CRAMP1: variants seen among roughly 807,000 people sequenced by gnomAD.
The protein encoded by CRAMP1 is cramped chromatin regulator 1, also known as protein cramped-like.
Under a neutral mutation model 115.4 loss-of-function variants are expected in CRAMP1, and 50 were observed. That is an observed-to-expected ratio of 0.43 (90% CI 0.35 to 0.55). The LOEUF is 0.55. Among genes scored for constraint, CRAMP1 ranks in the 20% least tolerant of loss-of-function variants. The pLI is 0.01. For synonymous variants in CRAMP1, 866 were observed against 745.4 expected (o/e 1.16, Z -2.64); for missense variants, 1,679 against 1,721.7 (o/e 0.98, Z 0.44).
intron 2 of CRAMP1, among the ~76,000 whole-genome samples, chr16:1,619,573 A>G (rs1377216759): frequency 1.3e-5 from 2 of 152,216 alleles, no homozygotes; most frequent in African/African-American, 4.8e-5. Context: ...ATATCTTGCA[A>G]TACCTACAGG....
At chr16:1,655,401 G>GGGCAGAA in intron 9 of CRAMP1, 101 bp downstream of exon 9, 1 of 930,886 alleles carries the variant, frequency 1.1e-6, no homozygotes, top group Non-Finnish European at 1.8e-6. Flanking sequence ...TGGTCCCCGT[G>GGGCAGAA]GGCAGAACAG....
chr16:1,617,520 G>A (rs997127400), intron 2 of CRAMP1, among the ~76,000 whole-genome samples: 1 of 152,216 alleles, frequency 6.6e-6, no homozygotes, highest in African/African-American at 2.4e-5. Flanking sequence ...CTGTCAGGGA[G>A]GAAACGATCA....
chr16:1,665,450 G>A (rs1057401624), intron 14 of CRAMP1, among the ~76,000 whole-genome samples: 11 of 152,142 alleles, frequency 7.2e-5, no homozygotes, highest in Non-Finnish European at 1.5e-4. Context: ...CTTGTCAGCC[G>A]TTTTATGGGA....
intron 2 of CRAMP1, among the ~76,000 whole-genome samples, chr16:1,619,166 C>T (rs546856466): frequency 8.3e-4 from 127 of 152,110 alleles, no homozygotes; most frequent in African/African-American, 2.7e-3. Flanking sequence ...GTAACAACAG[C>T]GGGGTTTTGT....
chr16:1,639,457 G>A (rs1353857299), intron 5 of CRAMP1, among the ~76,000 whole-genome samples: 1 of 151,458 alleles, frequency 6.6e-6, no homozygotes, highest in Non-Finnish European at 1.5e-5. Context: ...AAATGAAGTA[G>A]TGGCCAGCAA....
In CRAMP1 at chr16:1,656,173, T is replaced by C. The variant is rs1235366390; in HGVS notation, c.1416T>C (p.Gly472=). Residue 472 remains glycine (G), a synonymous_variant, in exon 10 of 21, where the codon GGT becomes GGC. Transcript: ENST00000397412. The surrounding 1 kb of genome is among the most constrained non-coding windows in gnomAD (Gnocchi z 5.6). ...CGCGGAGCGGAGCTGAGGGCAAGGG[T>C]GTGGGGCGGCCCCCTCCTGCGGCTG... The part of the protein sequence containing the change: ...KCPRSGAEGK[G]VGRPPPAADA... The C allele has an allele frequency of 1.2e-6, 2 of 1,603,606 alleles. No homozygotes were observed. Among genetic ancestry groups the C allele is most frequent in the East Asian group, 2.2e-5 (1 of 44,646 alleles).
In CRAMP1 at chr16:1,660,048, G is replaced by A. The variant is rs61746425; in HGVS notation, c.2398G>A (p.Ala800Thr). Residue 800 changes from alanine (A) to threonine (T), a missense_variant, in exon 11 of 21, where the codon GCA becomes ACA. By Grantham distance (58) the Ala-to-Thr change is moderately conservative. Coordinates refer to ENST00000397412, the MANE Select transcript of CRAMP1 (RefSeq NM_020825.4). ...CAGCAAGACCTTCCCGCCCAGCTCT[G>A]CACCCTGCTCCTCAGGTGAGGCTGT... ...RSSKTFPPSS[A>T]PCSSGLRNPP... The A allele has an allele frequency of 1.9e-6, 3 of 1,585,502 alleles. No individual in the cohort carries two copies. Among genetic ancestry groups the A allele is most frequent in the East Asian group, 2.3e-5 (1 of 44,330 alleles).
rs1252674643 is a variant in CRAMP1 at position 1,666,011 on chromosome 16, A to G, written c.2753-62A>G. 3 of 1,160,220 alleles carry G rather than the reference A, an allele frequency of 2.6e-6. No individual in the cohort carries two copies. Among genetic ancestry groups the G allele is most frequent in the African/African-American group, 1.5e-5 (1 of 65,520 alleles). The allele number at this position is 1,160,220 out of a possible 1,614,324, so 71.9% of individuals were successfully genotyped here. A position where few individuals can be genotyped will look rare whatever the true frequency, so the allele number is the denominator to read the frequency against. ...TGTAAAGGAAGCCCCCTGCGGCCAC[A>G]TCCTGCTGTGAGGGCATGGCGGGCG... On this transcript the variant is annotated intron_variant, in intron 14 of 20. Transcript: ENST00000397412. This position sits in a 1 kb window ranked among gnomAD's most constrained non-coding sequence, Gnocchi z 5.0.
chr16:1,625,716 T>TA (rs1250356835), intron 2 of CRAMP1: 1 of 404,690 alleles, frequency 2.5e-6, no homozygotes, highest in African/African-American at 2.1e-5. Context: ...ATTGTGCTGT[T>TA]ACATGGTTCC....
At chr16:1,637,964 G>T (rs1596487114) in intron 5 of CRAMP1, 57 bp downstream of exon 5, 7 of 839,054 alleles carry the variant, frequency 8.3e-6, no homozygotes, top group Non-Finnish European at 1.0e-5. Flanking sequence ...GTCACCTTTG[G>T]GCTTTAGTGC....
intron 2 of CRAMP1, among the ~76,000 whole-genome samples, chr16:1,618,905 A>C (rs1193896750): frequency 1.1e-4 from 17 of 152,344 alleles, no homozygotes; most frequent in Non-Finnish European, 8.8e-5. Flanking sequence ...TAGGTAAGGC[A>C]AAATTTGAAC....
At chr16:1,650,771 G>C (rs1431648836) in intron 6 of CRAMP1, among the ~76,000 whole-genome samples, 3 of 152,236 alleles carry the variant, frequency 2.0e-5, no homozygotes, top group Non-Finnish European at 4.4e-5. Flanking sequence ...CCTACCTGAC[G>C]TGTGCAACTG....
At chr16:1,659,653 C>G (rs1167603883) in intron 10 of CRAMP1, among the ~76,000 whole-genome samples, 1 of 152,202 alleles carries the variant, frequency 6.6e-6, no homozygotes, top group Non-Finnish European at 1.5e-5. Context: ...TCCCAAAGTG[C>G]TGGGATTACA....
At chr16:1,660,113 C>G in intron 11 of CRAMP1, 50 bp downstream of exon 11, 1 of 1,428,868 alleles carries the variant, frequency 7.0e-7, no homozygotes, top group South Asian at 1.4e-5. Context: ...CCTGATGGCA[C>G]CTCAGGCTTC....
At chr16:1,617,922 C>T (rs185353050) in intron 2 of CRAMP1, among the ~76,000 whole-genome samples, 3 of 152,312 alleles carry the variant, frequency 2.0e-5, no homozygotes, top group Admixed American at 1.3e-4. Context: ...AGTGCAGAAC[C>T]TGAAGTAGAT....
chr16:1,618,311 C>T (rs2036438383), intron 2 of CRAMP1, among the ~76,000 whole-genome samples: 1 of 152,130 alleles, frequency 6.6e-6, no homozygotes, highest in Non-Finnish European at 1.5e-5. Context: ...TAAAAATAAA[C>T]ACCTGCCTTA....
chr16:1,617,058 T>C (rs988898838), intron 2 of CRAMP1, among the ~76,000 whole-genome samples: 2 of 151,996 alleles, frequency 1.3e-5, no homozygotes, highest in Non-Finnish European at 2.9e-5. Flanking sequence ...TCTCCTGACC[T>C]TGTGATCCTC....
In CRAMP1 at chr16:1,677,104, C is replaced by G. The variant is rs1299476487; in HGVS notation, c.*3059C>G. The G allele has an allele frequency of 1.3e-5, 2 of 152,642 alleles. No homozygotes were observed. The highest frequency in any genetic ancestry group is 2.9e-5 in the Non-Finnish European group (2 of 68,052). The allele number at this position is 152,642 out of a possible 1,614,324, so 9.5% of individuals were successfully genotyped here. A position where few individuals can be genotyped will look rare whatever the true frequency, so the allele number is the denominator to read the frequency against. Reference sequence around the variant, plus strand: ...GTGTTTTCTCTTTAAACCTTGAGCTCTAGCCGATGCATTTGTCAGGAAATA... The same window carrying G: ...GTGTTTTCTCTTTAAACCTTGAGCTGTAGCCGATGCATTTGTCAGGAAATA... On this transcript the variant is annotated 3_prime_UTR_variant, in exon 21 of 21. Coordinates refer to ENST00000397412, the MANE Select transcript of CRAMP1 (RefSeq NM_020825.4).
chr16:1,630,516 C>T (rs2036540839), intron 3 of CRAMP1, among the ~76,000 whole-genome samples: 1 of 152,182 alleles, frequency 6.6e-6, no homozygotes, highest in African/African-American at 2.4e-5. Context: ...CAAAGCAGGT[C>T]CCCTCCACCC....
Sources: allele counts gnomAD v4.1 joint callset (sites outside exome capture counted in the v4.1 genomes callset), GRCh38; gene constraint gnomAD v4.1.1; non-coding constraint Gnocchi (gnomAD v3.1); transcripts MANE v1.5; gene names NCBI Gene and HGNC (gene_info 2026-07-23, HGNC 2026-07-21).